The following FUT8 variants were observed in gnomAD, a reference collection of about 807,000 sequenced individuals.
FUT8 encodes the protein alpha-(1,6)-fucosyltransferase.
A neutral mutation model predicts 71.3 loss-of-function variants in FUT8; 29 were observed. The ratio of observed to expected loss-of-function variants is 0.41; its 90% confidence interval spans 0.30 to 0.55. The LOEUF (loss-of-function observed/expected upper bound fraction) is 0.55, where lower values mean the gene tolerates loss of function less well. Among genes scored for constraint, FUT8 ranks in the 20% least tolerant of loss-of-function variants. The pLI is 0.34. For missense variants in FUT8, 544 were observed against 702.1 expected (o/e 0.77, Z 2.55); for synonymous variants, 254 against 239.3 (o/e 1.06, Z -0.57).
intron 3 of FUT8, among the ~76,000 whole-genome samples, chr14:65,584,728 A>G (rs1371112133): frequency 6.6e-6 from 1 of 152,208 alleles, no homozygotes; most frequent in African/African-American, 2.4e-5. Context: ...TTTCACATAT[A>G]TTACTTGTAA....
chr14:65,519,763 A>T (rs1882960403), intron 2 of FUT8, among the ~76,000 whole-genome samples: 1 of 152,092 alleles, frequency 6.6e-6, no homozygotes, highest in African/African-American at 2.4e-5. Flanking sequence ...TTTAATGTTT[A>T]TTATTTATTA....
intron 2 of FUT8, among the ~76,000 whole-genome samples, chr14:65,524,371 G>A (rs1300405499): frequency 1.3e-5 from 2 of 152,252 alleles, no homozygotes; most frequent in East Asian, 3.9e-4. Flanking sequence ...TTGGCTCTCT[G>A]TTTGTCTGTT....
chr14:65,599,316 TC>T (rs1888174749), intron 3 of FUT8, among the ~76,000 whole-genome samples: 1 of 152,164 alleles, frequency 6.6e-6, no homozygotes, highest in Non-Finnish European at 1.5e-5. Context: ...TTACCATGTT[TC>T]CCCCCATCTC....
chr14:65,519,524 C>T (rs1225713681), intron 2 of FUT8, among the ~76,000 whole-genome samples: 2 of 152,082 alleles, frequency 1.3e-5, no homozygotes, highest in African/African-American at 4.8e-5. Flanking sequence ...ATTCTTTATG[C>T]ACTTCTGTGA....
chr14:65,571,120 A>G (rs982543147), intron 3 of FUT8, among the ~76,000 whole-genome samples: 3 of 152,078 alleles, frequency 2.0e-5, no homozygotes, highest in African/African-American at 7.2e-5. Flanking sequence ...TGAATCGTTC[A>G]TTGCTCAATT....
intron 7 of FUT8, among the ~76,000 whole-genome samples, chr14:65,692,561 C>T (rs1328830275): frequency 7.1e-6 from 1 of 141,124 alleles, no homozygotes; most frequent in South Asian, 2.4e-4. Flanking sequence ...GGGGGGCTGA[C>T]CCCCCGCACC....
chr14:65,494,577 G>A (rs1178138781), intron 2 of FUT8, among the ~76,000 whole-genome samples: 3 of 152,202 alleles, frequency 2.0e-5, no homozygotes, highest in South Asian at 4.1e-4. Context: ...CTCAGGAGGG[G>A]CAACGTATTT....
At chr14:65,594,151 C>T (rs577475474) in intron 3 of FUT8, among the ~76,000 whole-genome samples, 2 of 152,268 alleles carry the variant, frequency 1.3e-5, no homozygotes, top group South Asian at 4.1e-4. Flanking sequence ...ACAGGGGTGC[C>T]TCGTTTACTC....
At chr14:65,380,025 A>G in the FUT8 span, among the ~76,000 whole-genome samples, 1 of 152,202 alleles carries the variant, frequency 6.6e-6, no homozygotes. Context: ...TACCAGCACA[A>G]TAGGGATTAA....
At chr14:65,585,824 A>G (rs1295069249) in intron 3 of FUT8, among the ~76,000 whole-genome samples, 2 of 152,242 alleles carry the variant, frequency 1.3e-5, no homozygotes, top group East Asian at 3.8e-4. Context: ...GCCTTGCCCC[A>G]GAAGGAAACT....
intron 2 of FUT8, among the ~76,000 whole-genome samples, chr14:65,549,104 A>G (rs919687073): frequency 6.6e-6 from 1 of 152,206 alleles, no homozygotes; most frequent in African/African-American, 2.4e-5. Context: ...TTGTGGATCA[A>G]CAGGAGTTCT....
chr14:65,646,343 T>C (rs1313011045), intron 6 of FUT8, among the ~76,000 whole-genome samples: 1 of 152,226 alleles, frequency 6.6e-6, no homozygotes, highest in Admixed American at 6.5e-5. Flanking sequence ...CAAAATTAGA[T>C]GAAAGGTAAT....
chr14:65,423,344 C>G (rs545588471), intron 1 of FUT8, among the ~76,000 whole-genome samples: 4 of 151,092 alleles, frequency 2.6e-5, no homozygotes, highest in East Asian at 1.9e-4. Context: ...TCACTGCCAG[C>G]TCCGCCTCCC....
intron 10 of FUT8, among the ~76,000 whole-genome samples, chr14:65,740,238 CTA>C (rs1434185226): frequency 6.6e-6 from 1 of 151,910 alleles, no homozygotes; most frequent in Non-Finnish European, 1.5e-5. Flanking sequence ...TATTTTGGTT[CTA>C]TATCTAGTTG....
intron 2 of FUT8, among the ~76,000 whole-genome samples, chr14:65,503,296 T>G (rs1035256674): frequency 3.3e-5 from 5 of 152,210 alleles, no homozygotes; most frequent in African/African-American, 1.2e-4. Flanking sequence ...ATAGAACAAT[T>G]AACAAATTCA....
At chr14:65,724,632 G>C (rs1355305583) in intron 9 of FUT8, among the ~76,000 whole-genome samples, 1 of 152,158 alleles carries the variant, frequency 6.6e-6, no homozygotes, top group Non-Finnish European at 1.5e-5. Context: ...TCACTAGTCT[G>C]TTGGAGCTGC....
At chr14:65,470,933 G>A (rs2066135170) in intron 2 of FUT8, among the ~76,000 whole-genome samples, 1 of 152,030 alleles carries the variant, frequency 6.6e-6, no homozygotes, top group East Asian at 1.9e-4. Flanking sequence ...CCATGTACCA[G>A]AAAGCCACCG....
chr14:65,633,664 C>T (rs1157351622), intron 6 of FUT8, among the ~76,000 whole-genome samples: 17 of 151,006 alleles, frequency 1.1e-4, no homozygotes, highest in African/African-American at 4.1e-4. Context: ...CGCCTCTGCC[C>T]GGCCACGACC....
At chr14:65,424,999 A>G (rs1480220809) in intron 1 of FUT8, among the ~76,000 whole-genome samples, 5 of 151,940 alleles carry the variant, frequency 3.3e-5, no homozygotes, top group Middle Eastern at 3.4e-3. Flanking sequence ...ATGGTTGTCT[A>G]TGAATATTTT....
Sources: gnomAD v4.1 joint callset for allele counts (sites outside exome capture counted in the v4.1 genomes callset) on GRCh38, gnomAD v4.1.1 for gene constraint, MANE v1.5 for transcripts, NCBI Gene and HGNC (gene_info 2026-07-23, HGNC 2026-07-21) for gene names.